ZNF385D: variants seen among roughly 807,000 people sequenced by gnomAD.
ZNF385D encodes zinc finger protein 659.
ZNF385D carries 15 observed loss-of-function variants against 35.8 expected under a neutral mutation model. The ratio of observed to expected loss-of-function variants is 0.42; its 90% confidence interval spans 0.28 to 0.64. ZNF385D has a LOEUF of 0.64. Ranked by LOEUF, ZNF385D falls within the 30% of genes least tolerant of loss-of-function variation. The pLI is 0.23. For synonymous variants in ZNF385D, 212 were observed against 186.8 expected, an observed-to-expected ratio of 1.13 and a Z score of -1.10; for missense variants, 474 against 494.6, an observed-to-expected ratio of 0.96 and a Z score of 0.39.
At chr3:21,783,955 A>C (rs1199064922) in intron 3 of ZNF385D, among the ~76,000 whole-genome samples, 4 of 152,192 alleles carry the variant, frequency 2.6e-5, no homozygotes, top group South Asian at 2.1e-4. Context: ...TCCAGAAAGA[A>C]AGTTGTGGCA....
At chr3:21,830,138 G>A (rs531923993) in intron 3 of ZNF385D, among the ~76,000 whole-genome samples, 1 of 151,856 alleles carries the variant, frequency 6.6e-6, no homozygotes, top group African/African-American at 2.4e-5. Flanking sequence ...AATAAAAGAG[G>A]CATTTTAGAG....
At chr3:22,028,345 A>G (rs912442124) in intron 3 of ZNF385D, among the ~76,000 whole-genome samples, 1 of 152,204 alleles carries the variant, frequency 6.6e-6, no homozygotes. Flanking sequence ...GGGCCCATGA[A>G]AAAAGTGGCC....
chr3:22,018,947 C>A (rs921876638), intron 3 of ZNF385D, among the ~76,000 whole-genome samples: 6 of 150,244 alleles, frequency 4.0e-5, no homozygotes, highest in Non-Finnish European at 7.4e-5. Flanking sequence ...GCAATTCCTA[C>A]TCCTTTCCGT....
At chr3:21,542,228 C>T (rs1041020738) in intron 3 of ZNF385D, among the ~76,000 whole-genome samples, 2 of 152,066 alleles carry the variant, frequency 1.3e-5, no homozygotes, top group African/African-American at 4.8e-5. Flanking sequence ...GATATGAATC[C>T]TGCATTGTGG....
rs10536628 is a variant in ZNF385D, at chr3:22,066,532, CTGTGTGTGTGTGTGTGTGTGTGTG to C, written c.325+102261_325+102284del. On this transcript the variant is annotated intron_variant, in intron 3 of 5. Transcript: ENST00000494108. ...AAAAGATACTGGGTGAGATGGTTCC[CTGTGTGTGTGTGTGTGTGTGTGTG>C]TGTGTGTGTGTGTGTGTGTGTGTGT... Among the ~76,000 whole-genome samples, 601 of 91,318 alleles carry C rather than the reference CTGTGTGTGTGTGTGTGTGTGTGTG, an allele frequency of 6.6e-3. 7 individuals are homozygous for C. Among genetic ancestry groups the C allele is most frequent in the African/African-American group, 0.026 (567 of 22,040 alleles). 59.9% of individuals were successfully genotyped at this position (91,318 alleles called of 152,430 possible).
At chr3:21,905,205 C>CAAAAAAAAA (rs63147760) in intron 3 of ZNF385D, among the ~76,000 whole-genome samples, 21 of 69,690 alleles carry the variant, frequency 3.0e-4, no homozygotes, top group African/African-American at 5.1e-4. Flanking sequence ...ACAAAAAATC[C>CAAAAAAAAA]AAAAAAAAAA....
chr3:22,210,679 A>G (rs1697460142), intron 2 of ZNF385D, among the ~76,000 whole-genome samples: 1 of 151,914 alleles, frequency 6.6e-6, no homozygotes, highest in Non-Finnish European at 1.5e-5. Flanking sequence ...ATTATTTTCA[A>G]TACATGAAAG....
At chr3:21,830,915 T>G (rs1452162197) in intron 3 of ZNF385D, among the ~76,000 whole-genome samples, 1 of 152,180 alleles carries the variant, frequency 6.6e-6, no homozygotes, top group Non-Finnish European at 1.5e-5. Flanking sequence ...CTGAAGGGTG[T>G]CATACCATAA....
chr3:21,617,064 G>C (rs541218920), intron 2 of ZNF385D, among the ~76,000 whole-genome samples: 41 of 152,200 alleles, frequency 2.7e-4, no homozygotes, highest in African/African-American at 8.7e-4. Flanking sequence ...GCCCAAATTT[G>C]AGCAATCTCC....
intron 2 of ZNF385D, among the ~76,000 whole-genome samples, chr3:22,173,012 G>C (rs1275707321): frequency 2.0e-5 from 3 of 152,218 alleles, no homozygotes; most frequent in African/African-American, 7.2e-5. Context: ...CACATCAACA[G>C]TGACAGGTCA....
chr3:22,289,529 A>C (rs1006463681), intron 2 of ZNF385D, among the ~76,000 whole-genome samples: 34 of 152,200 alleles, frequency 2.2e-4, no homozygotes, highest in African/African-American at 8.2e-4. Context: ...ATCCTCAACC[A>C]ACAGCTGAAA....
Position 22,296,238 on chromosome 3 carries a change from T to C in ZNF385D, c.106+76212A>G, listed in dbSNP as rs139263365. Among the ~76,000 whole-genome samples the C allele has an allele frequency of 5.9e-5, 9 of 152,278 alleles. No homozygotes were observed. The East Asian group carries it at 1.7e-3, about 29-fold the overall frequency. On this transcript the variant is annotated intron_variant, in intron 2 of 5. Coordinates refer to the ZNF385D transcript ENST00000494108. ...TTAAACAATTGTGTTTGTTACTTCT[T>C]GGGATTCTACAGTTCAGGCAGGGCT...
chr3:21,924,572 C>T (rs890912564), intron 3 of ZNF385D, among the ~76,000 whole-genome samples: 1 of 152,146 alleles, frequency 6.6e-6, no homozygotes, highest in African/African-American at 2.4e-5. Context: ...TAGGTTTCAA[C>T]CTCTCTAATC....
At chr3:22,315,846 C>G (rs754887664) in intron 2 of ZNF385D, among the ~76,000 whole-genome samples, 1 of 152,094 alleles carries the variant, frequency 6.6e-6, no homozygotes, top group African/African-American at 2.4e-5. Context: ...TGTTCAGAGA[C>G]TGAATCTGCC....
intron 2 of ZNF385D, among the ~76,000 whole-genome samples, chr3:22,193,068 C>T (rs188166480): frequency 1.4e-3 from 214 of 152,198 alleles, no homozygotes; most frequent in Non-Finnish European, 2.4e-3. Context: ...CAAGAGTAAC[C>T]GTTTATAACA....
At chr3:21,481,806 C>G (rs1206297856) in intron 4 of ZNF385D, among the ~76,000 whole-genome samples, 1 of 152,196 alleles carries the variant, frequency 6.6e-6, no homozygotes, top group Non-Finnish European at 1.5e-5. Context: ...GGGCCTAAAA[C>G]AGCATGTGAA....
chr3:21,652,499 G>A (rs1374517154), intron 2 of ZNF385D, among the ~76,000 whole-genome samples: 2 of 152,004 alleles, frequency 1.3e-5, no homozygotes, highest in Non-Finnish European at 2.9e-5. Flanking sequence ...TATACTTTAA[G>A]TTTTAGGATA....
intron 3 of ZNF385D, among the ~76,000 whole-genome samples, chr3:21,564,100 T>C (rs903047454): frequency 6.6e-6 from 1 of 152,130 alleles, no homozygotes; most frequent in African/African-American, 2.4e-5. Context: ...ACAACTTGAG[T>C]GCTTTAGCAC....
intron 3 of ZNF385D, among the ~76,000 whole-genome samples, chr3:22,095,040 T>C (rs966282700): frequency 6.6e-6 from 1 of 151,728 alleles, no homozygotes; most frequent in Non-Finnish European, 1.5e-5. Context: ...CCCCAACAGT[T>C]AGGACTACAG....
Sources: gnomAD v4.1 joint callset for allele counts (sites outside exome capture counted in the v4.1 genomes callset) on GRCh38, gnomAD v4.1.1 for gene constraint, MANE v1.5 for transcripts, NCBI Gene and HGNC (gene_info 2026-07-23, HGNC 2026-07-21) for gene names.